GOLGA1: variants seen among roughly 807,000 people sequenced by gnomAD.
GOLGA1 encodes golgin A1.
In GOLGA1, 63 loss-of-function variants were observed where a neutral mutation model predicts 119.7. That is an observed-to-expected ratio of 0.53 (90% CI 0.43 to 0.65). The LOEUF is 0.65. GOLGA1 is among the 30% of genes least tolerant of loss of function. GOLGA1 has a pLI of 0.00. For missense variants in GOLGA1, 798 were observed against 912.8 expected (o/e 0.87, Z 1.62); for synonymous variants, 318 against 333.4 (o/e 0.95, Z 0.50).
chr9:124,918,761 AAAAC>A (rs1239696608), intron 10 of GOLGA1, among the ~76,000 whole-genome samples: 4 of 152,034 alleles, frequency 2.6e-5, no homozygotes, highest in Non-Finnish European at 4.4e-5. Flanking sequence ...GTCTCAGAAA[AAAAC>A]AAAATAATAC....
At chr9:124,911,839 G>C in intron 11 of GOLGA1, 62 bp downstream of exon 11, 1 of 1,456,034 alleles carries the variant, frequency 6.9e-7, no homozygotes, top group Non-Finnish European at 9.5e-7. Context: ...TAGGAATTGT[G>C]AAGTCACCAG....
rs543713749 is a variant in GOLGA1 at position 124,878,611 on chromosome 9, A to G, written c.*1919T>C. ...TAAAGCTGAAGGAAATTCAACATGC[A>G]GGAGGAAAGCCTAGTCAGTGAAGCC... On this transcript the variant is annotated 3_prime_UTR_variant, in exon 23 of 23. Transcript: ENST00000373555. 6.6e-6 allele frequency: 1 copy of G among 152,584 alleles called. No individual in the cohort carries two copies. The highest frequency in any genetic ancestry group is 2.1e-4 in the South Asian group (1 of 4,834). 9.5% of individuals were successfully genotyped at this position (152,584 alleles called of 1,614,324 possible).
At chr9:124,926,055 C>T (rs1158441657) in intron 7 of GOLGA1, among the ~76,000 whole-genome samples, 1 of 152,080 alleles carries the variant, frequency 6.6e-6, no homozygotes, top group Non-Finnish European at 1.5e-5. Flanking sequence ...CCTAATATTA[C>T]CACGTGTCAA....
chr9:124,898,697 T>C, intron 14 of GOLGA1, 53 bp from the exon 15 acceptor site: 2 of 1,064,126 alleles, frequency 1.9e-6, no homozygotes, highest in Non-Finnish European at 2.9e-6. Flanking sequence ...CATATTTCCC[T>C]GGGCACAGGG....
intron 4 of GOLGA1, among the ~76,000 whole-genome samples, chr9:124,931,099 G>A (rs891737105): frequency 6.6e-6 from 1 of 152,040 alleles, no homozygotes; most frequent in African/African-American, 2.4e-5. Flanking sequence ...GAAACCTCAG[G>A]AGCAGAAAAA....
At position 124,881,440 on chromosome 9, in the gene GOLGA1, T is replaced by C. The variant is rs181796430; in HGVS notation, c.2137-183A>G. Among the ~76,000 whole-genome samples, 353 of 152,294 alleles carry C rather than the reference T, an allele frequency of 2.3e-3. No individual in the cohort carries two copies. The highest frequency in any genetic ancestry group is 3.7e-3 in the Non-Finnish European group (255 of 68,010). On this transcript the variant is annotated intron_variant, in intron 21 of 22. Transcript: ENST00000373555. The surrounding 1 kb of genome is among the most constrained non-coding windows in gnomAD (Gnocchi z 4.9). The stretch of plus-strand genomic sequence containing the variant: ...TTCTTCCCCTGCATCCTCGGGGGCC[T>C]GGCAGGCTTAAGGGAACTGCCCCAG...
At chr9:124,893,834 T>C (rs1466808326) in intron 15 of GOLGA1, among the ~76,000 whole-genome samples, 6 of 152,232 alleles carry the variant, frequency 3.9e-5, no homozygotes, top group Non-Finnish European at 8.8e-5. Context: ...CTCCCGTCCC[T>C]GGGCAGGATG....
At chr9:124,926,459 G>A (rs1830675298) in intron 7 of GOLGA1, among the ~76,000 whole-genome samples, 1 of 152,076 alleles carries the variant, frequency 6.6e-6, no homozygotes, top group Non-Finnish European at 1.5e-5. Flanking sequence ...AGTTTCTATC[G>A]GCGTTCAGGT....
chr9:124,903,405 G>T (rs931621782), intron 12 of GOLGA1, among the ~76,000 whole-genome samples: 2 of 152,026 alleles, frequency 1.3e-5, no homozygotes, highest in Non-Finnish European at 2.9e-5. Flanking sequence ...TTAAACCTGC[G>T]GGGTGGGGGT....
At chr9:124,899,984 G>A (rs572458371) in intron 13 of GOLGA1, among the ~76,000 whole-genome samples, 12 of 152,334 alleles carry the variant, frequency 7.9e-5, no homozygotes, top group South Asian at 4.1e-4. Context: ...AGGACTAAAC[G>A]AAAACACGTG....
intron 10 of GOLGA1, among the ~76,000 whole-genome samples, chr9:124,914,791 G>A (rs1417305923): frequency 9.9e-5 from 15 of 152,206 alleles, no homozygotes; most frequent in Non-Finnish European, 1.5e-5. Context: ...TCCAAAGTCT[G>A]CATTTGTTCC....
rs188141718 is a variant in GOLGA1, at chr9:124,936,155, G to T, written c.135+2422C>A. On this transcript the variant is annotated intron_variant, in intron 3 of 22. Coordinates refer to ENST00000373555, the MANE Select transcript of GOLGA1 (RefSeq NM_002077.4). ...AGGGTGTCAGCATGAAGGCAAAACA[G>T]GTCCATCTGTCACAGAACCCAGCCT... Among the ~76,000 whole-genome samples, 202 of 152,262 alleles carry T rather than the reference G, an allele frequency of 1.3e-3. 3 individuals carry two copies. Among genetic ancestry groups the T allele is most frequent in the African/African-American group, 4.5e-3 (186 of 41,544 alleles).
rs1830073336 is a variant in GOLGA1 at position 124,900,252 on chromosome 9, C to T, written c.1161+200G>A. On this transcript the variant is annotated intron_variant, in intron 13 of 22. Coordinates refer to ENST00000373555, the MANE Select transcript of GOLGA1 (RefSeq NM_002077.4). ...GTGGAAAGGAGCTGCTGGTGCACCT[C>T]CCAGGTAACTCAGGCCCACCATTAG... is the stretch of plus-strand genomic sequence containing the variant. 9.2e-6 allele frequency: 4 copies of T among 435,702 alleles called. No homozygotes were observed. The East Asian group carries it at 1.6e-4, about 17-fold the overall frequency. 27.0% of individuals were successfully genotyped at this position (435,702 alleles called of 1,614,324 possible).
chr9:124,919,516 G>A (rs1255099650), intron 10 of GOLGA1, among the ~76,000 whole-genome samples: 1 of 152,182 alleles, frequency 6.6e-6, no homozygotes, highest in Non-Finnish European at 1.5e-5. Context: ...ATAAGCATGA[G>A]TTCTGGAGTA....
At position 124,898,424 on chromosome 9, in the gene GOLGA1, A is replaced by G. The variant is rs528231306; in HGVS notation, c.1407+125T>C. On this transcript the variant is annotated intron_variant, in intron 15 of 22. Coordinates refer to ENST00000373555, the MANE Select transcript of GOLGA1 (RefSeq NM_002077.4). ...TGGCAATTTCTGGCCGATGCCTAACAGAACTATTGAACAAATGCTAATTCT... is the reference window on the plus strand; with the variant it reads ...TGGCAATTTCTGGCCGATGCCTAACGGAACTATTGAACAAATGCTAATTCT... The G allele has an allele frequency of 7.9e-6, 5 of 631,642 alleles. No individual in the cohort carries two copies. In the South Asian group the frequency reaches 1.0e-4, roughly 13 times the overall value. 39.1% of individuals were successfully genotyped at this position (631,642 alleles called of 1,614,324 possible).
At chr9:124,895,270 C>T (rs990143261) in intron 15 of GOLGA1, among the ~76,000 whole-genome samples, 1 of 149,026 alleles carries the variant, frequency 6.7e-6, no homozygotes, top group Non-Finnish European at 1.5e-5. Context: ...AGAGAACCAT[C>T]CACAACAGAG....
chr9:124,878,861 A>T lies in GOLGA1; in HGVS notation c.*1669T>A, dbSNP rs1829505754. ...GAAAAAGGAAATCCTACTTTGAAAA[A>T]AGGCTACCTCTTACCCATCAAACTT... On this transcript the variant is annotated 3_prime_UTR_variant, in exon 23 of 23. Coordinates refer to ENST00000373555, the MANE Select transcript of GOLGA1 (RefSeq NM_002077.4). 6.6e-6 allele frequency: 1 copy of T among 152,372 alleles called. No homozygotes were observed. Among genetic ancestry groups the T allele is most frequent in the East Asian group, 1.9e-4 (1 of 5,186 alleles). The allele number at this position is 152,372 out of a possible 1,614,324, so 9.4% of individuals were successfully genotyped here.
intron 10 of GOLGA1, 149 bp from the exon 11 acceptor site, chr9:124,912,175 T>C (rs1475510773): frequency 5.6e-6 from 4 of 713,234 alleles, no homozygotes; most frequent in Non-Finnish European, 6.8e-6. Flanking sequence ...GAAAATGGGA[T>C]ACAGAAAATG....
intron 13 of GOLGA1, among the ~76,000 whole-genome samples, chr9:124,899,711 A>G (rs914539137): frequency 6.6e-6 from 1 of 152,142 alleles, no homozygotes; most frequent in Non-Finnish European, 1.5e-5. Context: ...GTGTGTGGGG[A>G]CAGCTCTGGG....
Sources: gnomAD v4.1 joint callset for allele counts (sites outside exome capture counted in the v4.1 genomes callset) on GRCh38, gnomAD v4.1.1 for gene constraint, Gnocchi (gnomAD v3.1) non-coding constraint, MANE v1.5 for transcripts, NCBI Gene and HGNC (gene_info 2026-07-23, HGNC 2026-07-21) for gene names.